PARD3B: variants seen among roughly 807,000 people sequenced by gnomAD.
The protein encoded by PARD3B is par-3 family cell polarity regulator beta.
In PARD3B, 103 loss-of-function variants were observed where a neutral mutation model predicts 130.2. The observed-to-expected ratio is 0.79, with a 90% CI of 0.67 to 0.93. The LOEUF is 0.93. Among genes scored for constraint, PARD3B ranks in the 40% least tolerant of loss-of-function variants. PARD3B has a pLI of 0.00. For synonymous variants in PARD3B, 583 were observed against 553.2 expected (o/e 1.05, Z -0.76); for missense variants, 1,609 against 1,499.2 (o/e 1.07, Z -1.21).
rs574255697 is a variant in PARD3B at position 204,623,646 on chromosome 2, G to T, written c.121-62535G>T. 2.6e-5 allele frequency among the ~76,000 whole-genome samples: 4 copies of T among 151,974 alleles called. No individual in the cohort carries two copies. The highest frequency in any genetic ancestry group is 9.6e-5 in the African/African-American group (4 of 41,470). ...ATTCATTCCCTTTTTCTTTATTGTG[G>T]TAAGAACACTTAACATGAGATCTGT... On this transcript the variant is annotated intron_variant, in intron 1 of 22. Transcript: ENST00000406610. The surrounding 1 kb of genome is among the most constrained non-coding windows in gnomAD (Gnocchi z 4.5).
chr2:204,699,206 T>A (rs2037763758), intron 2 of PARD3B, among the ~76,000 whole-genome samples: 1 of 152,096 alleles, frequency 6.6e-6, no homozygotes, highest in Non-Finnish European at 1.5e-5. Context: ...AAGTAAAGCC[T>A]GGAGACTCCC....
Position 205,037,762 on chromosome 2 carries a change from A to G in PARD3B, c.395-9819A>G, listed in dbSNP as rs139454010. ...CTCTGGGCCACTTCATTGCCACCCAATGGGAGGAAGAGTAGTATGGATGGA... is the reference window on the plus strand; with the variant it reads ...CTCTGGGCCACTTCATTGCCACCCAGTGGGAGGAAGAGTAGTATGGATGGA... On this transcript the variant is annotated intron_variant, in intron 3 of 22. Coordinates refer to ENST00000406610, the MANE Select transcript of PARD3B (RefSeq NM_001302769.2). 3.5e-3 allele frequency among the ~76,000 whole-genome samples: 537 copies of G among 151,894 alleles called. 3 individuals carry two copies. Among genetic ancestry groups the G allele is most frequent in the African/African-American group, 0.012 (496 of 41,482 alleles).
chr2:205,431,503 A>T (rs141088272), intron 19 of PARD3B, among the ~76,000 whole-genome samples: 3 of 151,458 alleles, frequency 2.0e-5, no homozygotes, highest in African/African-American at 7.3e-5. Flanking sequence ...AGAGTCTTGC[A>T]CTGTTGTCCA....
chr2:204,831,387 T>C (rs758736204), intron 2 of PARD3B, among the ~76,000 whole-genome samples: 71 of 152,198 alleles, frequency 4.7e-4, no homozygotes, highest in Non-Finnish European at 7.6e-4. Flanking sequence ...ATATAAAAAC[T>C]TGCAGAAACT....
At position 205,132,648 on chromosome 2, in the gene PARD3B, A is replaced by G. The variant is rs767654504; in HGVS notation, c.1434+6911A>G. ...ATCACACAATATTATAATTTCTCCA[A>G]TAGACCTTAAGAACTATAAAGAAAT... On this transcript the variant is annotated intron_variant, in intron 10 of 22. Coordinates refer to ENST00000406610, the MANE Select transcript of PARD3B (RefSeq NM_001302769.2). 4.8e-4 allele frequency among the ~76,000 whole-genome samples: 73 copies of G among 152,194 alleles called. 1 individual carries two copies. Among genetic ancestry groups the G allele is most frequent in the South Asian group, 4.1e-4 (2 of 4,826 alleles).
chr2:204,725,293 T>G (rs953123690), intron 2 of PARD3B, among the ~76,000 whole-genome samples: 1 of 152,160 alleles, frequency 6.6e-6, no homozygotes, highest in Non-Finnish European at 1.5e-5. Flanking sequence ...TGGAAAGAGA[T>G]GTGATCTTTT....
At chr2:205,041,553 A>G (rs1412026821) in intron 3 of PARD3B, among the ~76,000 whole-genome samples, 1 of 151,926 alleles carries the variant, frequency 6.6e-6, no homozygotes, top group African/African-American at 2.4e-5. Context: ...TTGCCCTTCT[A>G]GCCTCTCTGT....
At chr2:205,567,278 T>C (rs1258471791) in intron 22 of PARD3B, among the ~76,000 whole-genome samples, 1 of 149,872 alleles carries the variant, frequency 6.7e-6, no homozygotes, top group African/African-American at 2.5e-5. Context: ...TTGATGAATT[T>C]GGATAAAGAA....
intron 4 of PARD3B, among the ~76,000 whole-genome samples, chr2:205,075,934 C>A (rs1407987843): frequency 6.6e-6 from 1 of 151,994 alleles, no homozygotes; most frequent in African/African-American, 2.4e-5. Flanking sequence ...CAAAAATGAA[C>A]CACTGCTTGT....
At chr2:205,532,403 G>C (rs946785575) in intron 21 of PARD3B, among the ~76,000 whole-genome samples, 8 of 152,094 alleles carry the variant, frequency 5.3e-5, no homozygotes, top group Non-Finnish European at 8.8e-5. Context: ...CTCCAGAAGG[G>C]GTGTGGAAAA....
At position 205,274,543 on chromosome 2, in the gene PARD3B, T is replaced by TTAA. The variant is rs5837963; in HGVS notation, c.2186-25986_2186-25985insAAT. ...ATTAAATGTGTGGTACATTGCTTTT[T>TTAA]TTAATAACCCCTTTCCTGATATCCC... On this transcript the variant is annotated intron_variant, in intron 16 of 22. Transcript: ENST00000406610. The surrounding 1 kb of genome is among the most constrained non-coding windows in gnomAD (Gnocchi z 4.2). Among the ~76,000 whole-genome samples the TTAA allele has an allele frequency of 1.5e-4, 23 of 151,522 alleles. No homozygotes were observed. The highest frequency in any genetic ancestry group is 3.1e-4 in the Non-Finnish European group (21 of 67,804).
chr2:204,612,812 A>G (rs1400493674), intron 1 of PARD3B, among the ~76,000 whole-genome samples: 2 of 150,460 alleles, frequency 1.3e-5, no homozygotes, highest in Non-Finnish European at 1.5e-5. Flanking sequence ...TTTATCAGCA[A>G]TATGCTTGAG....
chr2:204,782,315 G>C (rs10192436), intron 2 of PARD3B, among the ~76,000 whole-genome samples: 138,481 of 151,632 alleles, frequency 0.91, 63,314 homozygotes, highest in Middle Eastern at 0.98. Context: ...TAAAATGATG[G>C]TGTTTGCTTA....
In PARD3B at chr2:205,090,945, G is replaced by A. The variant is rs533718239; in HGVS notation, c.505-13481G>A. On this transcript the variant is annotated intron_variant, in intron 4 of 22. Coordinates refer to ENST00000406610, the MANE Select transcript of PARD3B (RefSeq NM_001302769.2). ...CCAGTTTTCATTGCATAGGATTTTG[G>A]CCCCAAACAATTGCTCAACTAACTA... 2.7e-3 allele frequency among the ~76,000 whole-genome samples: 404 copies of A among 152,286 alleles called. 2 individuals carry two copies. The highest frequency in any genetic ancestry group is 9.3e-3 in the African/African-American group (385 of 41,572).
At chr2:205,428,099 A>G (rs2047206109) in intron 19 of PARD3B, among the ~76,000 whole-genome samples, 1 of 152,148 alleles carries the variant, frequency 6.6e-6, no homozygotes, top group African/African-American at 2.4e-5. Flanking sequence ...AAGTGGCCCC[A>G]GAGGCTGGGA....
In PARD3B at chr2:205,287,384, C is replaced by T. The variant is rs948604792; in HGVS notation, c.2186-13146C>T. 6.6e-6 allele frequency among the ~76,000 whole-genome samples: 1 copy of T among 152,182 alleles called. No individual in the cohort carries two copies. Among genetic ancestry groups the T allele is most frequent in the African/African-American group, 2.4e-5 (1 of 41,438 alleles). On this transcript the variant is annotated intron_variant, in intron 16 of 22. Coordinates refer to ENST00000406610, the MANE Select transcript of PARD3B (RefSeq NM_001302769.2). This position sits in a 1 kb window ranked among gnomAD's most constrained non-coding sequence, Gnocchi z 4.8. ...ACCCAGGGTCTCCATGTCAGCAGTA[C>T]TCTCTCGTGCAGTTCTGGTTCCTCT...
At chr2:205,438,591 T>G (rs974502242) in intron 19 of PARD3B, among the ~76,000 whole-genome samples, 1 of 152,222 alleles carries the variant, frequency 6.6e-6, no homozygotes, top group Non-Finnish European at 1.5e-5. Context: ...CTGCACTGTC[T>G]CTGGAAAGAT....
chr2:205,447,041 T>G (rs1013209069), intron 20 of PARD3B, among the ~76,000 whole-genome samples: 1 of 152,140 alleles, frequency 6.6e-6, no homozygotes, highest in Non-Finnish European at 1.5e-5. Flanking sequence ...AAGAAAAAAA[T>G]TGCTTTCGGG....
chr2:205,410,002 C>T (rs6756917), intron 19 of PARD3B, among the ~76,000 whole-genome samples: 4,366 of 152,118 alleles, frequency 0.029, 197 homozygotes, highest in African/African-American at 0.099. Context: ...TTTTGTAATT[C>T]ACTGGATTTT....
Sources: gnomAD v4.1 joint callset for allele counts (sites outside exome capture counted in the v4.1 genomes callset) on GRCh38, gnomAD v4.1.1 for gene constraint, Gnocchi (gnomAD v3.1) non-coding constraint, MANE v1.5 for transcripts, NCBI Gene and HGNC (gene_info 2026-07-23, HGNC 2026-07-21) for gene names.